Variants in FBF1 observed in about 807,000 individuals in gnomAD.
FBF1 encodes the protein Fas binding factor 1.
In FBF1, 119 loss-of-function variants were observed where a neutral mutation model predicts 147.2. The observed-to-expected ratio is 0.81, with a 90% CI of 0.70 to 0.94. The LOEUF is 0.94. Ranked by LOEUF, FBF1 falls within the 40% of genes least tolerant of loss-of-function variation. FBF1 has a pLI of 0.00. For synonymous variants in FBF1, 601 were observed against 609.0 expected (o/e 0.99, Z 0.19); for missense variants, 1,449 against 1,500.8 (o/e 0.97, Z 0.57).
At chr17:75,924,458 G>C (rs1033748758) in intron 13 of FBF1, among the ~76,000 whole-genome samples, 1 of 152,172 alleles carries the variant, frequency 6.6e-6, no homozygotes, top group Non-Finnish European at 1.5e-5. Context: ...AGGGGCTCCT[G>C]GTGCTGTTCT....
Position 75,921,318 on chromosome 17 carries a change from CAG to C in FBF1, c.1616-18_1616-17del. ...GTGGCAGGCTCTGAAACATCAACAA[CAG>C]AGAAATGAACAGGAGGCCCAGGGCA... On this transcript the variant is annotated splice_polypyrimidine_tract_variant and intron_variant, in intron 16 of 29. Transcript: ENST00000636174. 1.3e-6 allele frequency: 2 copies of C among 1,583,784 alleles called. No homozygotes were observed. The highest frequency in any genetic ancestry group is 1.7e-4 in the Middle Eastern group (1 of 6,028).
chr17:75,931,334 G>A (rs2065593573), intron 5 of FBF1, 45 bp from the exon 6 acceptor site: 2 of 1,533,392 alleles, frequency 1.3e-6, no homozygotes, highest in East Asian at 4.8e-5. Flanking sequence ...CCAGGGCACT[G>A]GATGACTCTA....
At chr17:75,917,451 C>T (rs779001571) in intron 23 of FBF1, among the ~76,000 whole-genome samples, 9 of 152,148 alleles carry the variant, frequency 5.9e-5, no homozygotes, top group Non-Finnish European at 1.2e-4. Context: ...CTGATGGTTG[C>T]GGGGGCTAGA....
Position 75,937,256 on chromosome 17 carries a change from C to T in FBF1, c.31+310G>A, listed in dbSNP as rs370152143. Among the ~76,000 whole-genome samples, 133 of 150,764 alleles carry T rather than the reference C, an allele frequency of 8.8e-4. 1 individual carries two copies. The highest frequency in any genetic ancestry group is 3.1e-3 in the African/African-American group (125 of 40,938). On this transcript the variant is annotated intron_variant, in intron 3 of 29. Coordinates refer to ENST00000636174, the MANE Select transcript of FBF1 (RefSeq NM_001319193.2). ...TGAGATCTCGGCTCACTGCAAGCTC[C>T]GCCTCCTGTGTTCACACCATTCTCC...
rs1297740600 is a variant in FBF1, at chr17:75,922,659, G to C, written c.1424+527C>G. Among the ~76,000 whole-genome samples the C allele has an allele frequency of 6.6e-6, 1 of 152,056 alleles. No homozygotes were observed. The highest frequency in any genetic ancestry group is 1.9e-4 in the East Asian group (1 of 5,178). On this transcript the variant is annotated intron_variant, in intron 14 of 29. Coordinates refer to ENST00000636174, the MANE Select transcript of FBF1 (RefSeq NM_001319193.2). The surrounding 1 kb of genome is among the most constrained non-coding windows in gnomAD (Gnocchi z 5.0). ...CTCCCCCAGCCTGCTGGCCCCTTGT[G>C]CCTTCCTGCCTTCAGAGGTCACTCG...
intron 3 of FBF1, among the ~76,000 whole-genome samples, 193 bp from the exon 4 acceptor site, chr17:75,935,866 C>T (rs1255542209): frequency 6.6e-6 from 1 of 152,142 alleles, no homozygotes; most frequent in Non-Finnish European, 1.5e-5. Context: ...TGAAATACCC[C>T]GAGGCAGAAA....
chr17:75,913,699 C>G lies in FBF1; in HGVS notation c.3247+3G>C, dbSNP rs1443043176. On this transcript the variant is annotated splice_donor_region_variant and intron_variant, in intron 28 of 29. Transcript: ENST00000636174. ...GCCGGCCCTTCCTTCTGGAGCCACT[C>G]ACCACTCTGGCTGGAGGCTGCAGGG... The G allele has an allele frequency of 1.9e-6, 3 of 1,588,924 alleles. No homozygotes were observed. Among genetic ancestry groups the G allele is most frequent in the Non-Finnish European group, 2.6e-6 (3 of 1,175,128 alleles).
At chr17:75,913,576 G>T (rs1450200670) in intron 28 of FBF1, 126 bp downstream of exon 28, 4 of 616,024 alleles carry the variant, frequency 6.5e-6, no homozygotes, top group Non-Finnish European at 1.1e-5. Flanking sequence ...GTGTAAAAAA[G>T]AAATAAGGCG....
At chr17:75,915,251 A>T in intron 23 of FBF1, 112 bp from the exon 24 acceptor site, 2 of 1,425,214 alleles carry the variant, frequency 1.4e-6, no homozygotes, top group South Asian at 2.9e-5. Flanking sequence ...TATGCCACTG[A>T]CACGTCCTTC....
chr17:75,924,497 G>A (rs1449105678), intron 13 of FBF1, among the ~76,000 whole-genome samples: 1 of 151,968 alleles, frequency 6.6e-6, no homozygotes, highest in Non-Finnish European at 1.5e-5. Flanking sequence ...TTTTTGAGAC[G>A]GAGTCTCGCT....
At chr17:75,931,387 A>G in intron 5 of FBF1, 98 bp from the exon 6 acceptor site, 1 of 1,068,054 alleles carries the variant, frequency 9.4e-7, no homozygotes, top group Non-Finnish European at 1.4e-6. Flanking sequence ...AATCTCGGAT[A>G]GGTCTCTCCG....
rs1489781679 is a variant in FBF1 at position 75,923,305 on chromosome 17, C to T, written c.1305G>A (p.Glu435=). 1 of 1,594,616 alleles carries T rather than the reference C, an allele frequency of 6.3e-7. No individual in the cohort carries two copies. The highest frequency in any genetic ancestry group is 1.7e-4 in the Middle Eastern group (1 of 6,040). ...GAGACAGGGCATGGCTCAGCCAGTC[C>T]TCTTTCTCCTCCTTGGAGGCTCGCA... ...SKLRASKEEK[E]DWLSHALSRK... is the part of the protein sequence containing the mutation. Residue 435 remains glutamate (E), a synonymous_variant, in exon 14 of 30, where the codon GAG becomes GAA. Coordinates refer to ENST00000636174, the MANE Select transcript of FBF1 (RefSeq NM_001319193.2). This position sits in a 1 kb window ranked among gnomAD's most constrained non-coding sequence, Gnocchi z 4.1.
At position 75,909,682 on chromosome 17, in the gene FBF1, C is replaced by T. The variant is rs549278639; in HGVS notation, c.*1041G>A. The T allele has an allele frequency of 1.0e-4, 59 of 571,506 alleles. No individual in the cohort carries two copies. The highest frequency in any genetic ancestry group is 2.6e-4 in the South Asian group (11 of 43,062). The allele number at this position is 571,506 out of a possible 1,614,324, so 35.4% of individuals were successfully genotyped here. A position where few individuals can be genotyped will look rare whatever the true frequency, so the allele number is the denominator to read the frequency against. ...CTGTGGTCCAGCTGCCAGGTGCCAC[C>T]GCAGACCGCAGGTGCTGGAGGGGAG... On this transcript the variant is annotated 3_prime_UTR_variant, in exon 30 of 30. Coordinates refer to ENST00000636174, the MANE Select transcript of FBF1 (RefSeq NM_001319193.2).
At chr17:75,920,503 C>T in intron 17 of FBF1, 74 bp from the exon 18 acceptor site, 1 of 1,453,386 alleles carries the variant, frequency 6.9e-7, no homozygotes, top group Non-Finnish European at 9.2e-7. Context: ...TACCTCCTGG[C>T]CCACTGCTCA....
intron 18 of FBF1, 53 bp downstream of exon 18, chr17:75,920,221 T>C: frequency 6.3e-7 from 1 of 1,594,498 alleles, no homozygotes; most frequent in Middle Eastern, 2.2e-4. Context: ...ACTCTCAGTG[T>C]CCCCTCCTGT....
At chr17:75,920,536 T>G in intron 17 of FBF1, 107 bp from the exon 18 acceptor site, 1 of 1,235,222 alleles carries the variant, frequency 8.1e-7, no homozygotes, top group Non-Finnish European at 1.1e-6. Flanking sequence ...GCATCTGATC[T>G]GTGGCTGCAG....
chr17:75,938,112 C>T (rs1171380313), intron 2 of FBF1, 35 bp downstream of exon 2: 5 of 1,612,250 alleles, frequency 3.1e-6, no homozygotes, highest in African/African-American at 1.3e-5. Flanking sequence ...GAGGCATGTT[C>T]GCTTTCCATG....
intron 3 of FBF1, 40 bp downstream of exon 3, chr17:75,937,526 T>C (rs371299192): frequency 5.6e-6 from 9 of 1,609,464 alleles, no homozygotes; most frequent in South Asian, 2.2e-5. Context: ...GAAAAAGATA[T>C]ATATTTGGCT....
At chr17:75,916,581 T>A (rs542267015) in intron 23 of FBF1, among the ~76,000 whole-genome samples, 1 of 152,340 alleles carries the variant, frequency 6.6e-6, no homozygotes, top group Non-Finnish European at 1.5e-5. Context: ...ATCACACCAC[T>A]GCACTCCAGC....
Sources: gnomAD v4.1 joint callset for allele counts (sites outside exome capture counted in the v4.1 genomes callset) on GRCh38, gnomAD v4.1.1 for gene constraint, Gnocchi (gnomAD v3.1) non-coding constraint, MANE v1.5 for transcripts, NCBI Gene and HGNC (gene_info 2026-07-23, HGNC 2026-07-21) for gene names.